Variants in ABI3BP observed in about 807,000 individuals in gnomAD.
ABI3BP encodes ABI family member 3 binding protein.
ABI3BP carries 216 observed loss-of-function variants against 268.6 expected under a neutral mutation model. That is an observed-to-expected ratio of 0.80 (90% CI 0.72 to 0.90). The LOEUF (loss-of-function observed/expected upper bound fraction) is 0.90, where lower values mean the gene tolerates loss of function less well. ABI3BP is among the 40% of genes least tolerant of loss of function. The pLI, the probability that ABI3BP is intolerant of heterozygous loss-of-function variation, is 0.00. For synonymous variants in ABI3BP, 730 were observed against 730.0 expected, an observed-to-expected ratio of 1.00 and a Z score of 0.00; for missense variants, 2,090 against 2,182.4, an observed-to-expected ratio of 0.96 and a Z score of 0.84.
intron 33 of ABI3BP, among the ~76,000 whole-genome samples, chr3:100,829,082 C>T (rs1371611221): frequency 1.3e-5 from 2 of 151,428 alleles, no homozygotes; most frequent in Non-Finnish European, 2.9e-5. Context: ...CTGAATTTCT[C>T]TATTACTCTT....
chr3:100,900,225 T>C (rs945480011), intron 3 of ABI3BP, among the ~76,000 whole-genome samples: 1 of 152,126 alleles, frequency 6.6e-6, no homozygotes, highest in Non-Finnish European at 1.5e-5. Context: ...GTGATTTAAA[T>C]TGTCATGTAT....
chr3:100,933,414 C>A (rs1230113827), intron 1 of ABI3BP, among the ~76,000 whole-genome samples: 2 of 151,770 alleles, frequency 1.3e-5, no homozygotes, highest in Non-Finnish European at 2.9e-5. Flanking sequence ...ACAGTGCCAA[C>A]CTCTATACCT....
In ABI3BP at chr3:100,804,798, T is replaced by G. The variant is rs755769326; in HGVS notation, c.3751A>C (p.Thr1251Pro). Residue 1251 changes from threonine to proline, a missense_variant, in exon 51 of 68, where the codon ACA (threonine) becomes CCA (proline). Thr to Pro is a conservative substitution (Grantham distance 38). Coordinates refer to ENST00000471714, the MANE Select transcript of ABI3BP (RefSeq NM_001375547.2). ...TSPSPEVSYT[T>P]PAPKDVLLPH... ...CATGAAATAAAGCATTTACCAGGTG[T>G]GGTGTATGACACTTCTGGACTTGGT... 2 of 1,612,882 alleles carry G rather than the reference T, an allele frequency of 1.2e-6. No homozygotes were observed. Among genetic ancestry groups the G allele is most frequent in the Non-Finnish European group, 1.7e-6 (2 of 1,179,048 alleles).
chr3:100,794,785 G>A (rs1330212471), intron 54 of ABI3BP, 138 bp downstream of exon 54: 7 of 645,436 alleles, frequency 1.1e-5, no homozygotes, highest in South Asian at 8.0e-5. Flanking sequence ...CACAGTTAAT[G>A]TAAAAGTATT....
At chr3:100,926,520 C>A in intron 1 of ABI3BP, 39 bp from the exon 2 acceptor site, 1 of 1,576,044 alleles carries the variant, frequency 6.3e-7, no homozygotes, top group Non-Finnish European at 8.7e-7. Context: ...CTGTTACTTC[C>A]CCTTTTTAGC....
At chr3:100,948,394 A>C (rs1169698208) in intron 1 of ABI3BP, among the ~76,000 whole-genome samples, 1 of 152,228 alleles carries the variant, frequency 6.6e-6, no homozygotes, top group Non-Finnish European at 1.5e-5. Flanking sequence ...AGTGCCAAAC[A>C]TATTTTACAA....
At chr3:100,778,001 T>A (rs1395457130) in intron 59 of ABI3BP, among the ~76,000 whole-genome samples, 1 of 152,182 alleles carries the variant, frequency 6.6e-6, no homozygotes, top group East Asian at 1.9e-4. Flanking sequence ...TCCAAAATAA[T>A]CCATTTGTTG....
chr3:100,886,466 A>C (rs1032259236), intron 4 of ABI3BP, 143 bp from the exon 5 acceptor site: 7 of 552,908 alleles, frequency 1.3e-5, no homozygotes, highest in Non-Finnish European at 1.7e-5. Flanking sequence ...AAAAATTTGC[A>C]GAGAACATGA....
At chr3:100,830,066 C>T (rs940061768) in intron 32 of ABI3BP, among the ~76,000 whole-genome samples, 12 of 125,402 alleles carry the variant, frequency 9.6e-5, no homozygotes, top group East Asian at 2.5e-4. Context: ...AAGAACACAC[C>T]CTTACCCCAA....
At chr3:100,759,266 T>C (rs1184852095) in intron 63 of ABI3BP, among the ~76,000 whole-genome samples, 1 of 151,878 alleles carries the variant, frequency 6.6e-6, no homozygotes, top group East Asian at 1.9e-4. Context: ...AATGGACAAG[T>C]AGAATAAGAA....
chr3:100,811,773 G>T lies in ABI3BP; in HGVS notation c.3448C>A (p.Pro1150Thr). 1 of 1,535,524 alleles carries T rather than the reference G, an allele frequency of 6.5e-7. No individual in the cohort carries two copies. Among genetic ancestry groups the T allele is most frequent in the Non-Finnish European group, 8.7e-7 (1 of 1,146,488 alleles). ...IAPAKTDYVY[P>T]TAKAPLWPEE... ...GGCCAGAGTGGTGCTTTGGCAGTGG[G>T]ATATACATAGTCTGTTTTGGCTGGT... The change falls in exon 47 of 68, where the codon CCC (proline) becomes ACC (threonine). Residue 1150 changes from proline to threonine, a missense_variant. Physicochemically the swap from Pro to Thr is conservative, Grantham distance 38. Coordinates refer to ENST00000471714, the MANE Select transcript of ABI3BP (RefSeq NM_001375547.2).
chr3:100,898,921 A>G, intron 3 of ABI3BP, 27 bp from the exon 4 acceptor site: 1 of 1,572,160 alleles, frequency 6.4e-7, no homozygotes, highest in Non-Finnish European at 8.6e-7. Flanking sequence ...GAGGTTAATA[A>G]TTCAGGAGAC....
chr3:100,918,996 C>T (rs2059473184), intron 2 of ABI3BP, among the ~76,000 whole-genome samples: 2 of 152,304 alleles, frequency 1.3e-5, no homozygotes, highest in Non-Finnish European at 2.9e-5. Flanking sequence ...TGCATAACTG[C>T]CATCTTGCAT....
intron 1 of ABI3BP, among the ~76,000 whole-genome samples, chr3:100,956,913 A>G (rs934402679): frequency 1.3e-5 from 2 of 152,212 alleles, no homozygotes; most frequent in South Asian, 4.1e-4. Context: ...AAGCGAGGAG[A>G]AAACAGGAAG....
chr3:100,963,938 A>C lies in ABI3BP; in HGVS notation c.79+29368T>G, dbSNP rs182859495. ...CCTCCTCTGACATCCCAGGCTAGAG[A>C]TGGTTTCTCTGTTTTTAGCCCTCCT... On this transcript the variant is annotated intron_variant, in intron 1 of 67. Transcript: ENST00000471714. 2.0e-5 allele frequency among the ~76,000 whole-genome samples: 3 copies of C among 152,282 alleles called. No individual in the cohort carries two copies. The East Asian group carries it at 5.8e-4, about 29-fold the overall frequency.
At chr3:100,992,299 A>G (rs1047136337) in intron 1 of ABI3BP, among the ~76,000 whole-genome samples, 1 of 152,154 alleles carries the variant, frequency 6.6e-6, no homozygotes, top group African/African-American at 2.4e-5. Flanking sequence ...TTGGGACAAG[A>G]TGATCCTGGG....
intron 15 of ABI3BP, 122 bp downstream of exon 15, chr3:100,851,753 A>C: frequency 4.8e-5 from 34 of 708,576 alleles, no homozygotes; most frequent in Middle Eastern, 2.4e-4. Context: ...TGACACAGGT[A>C]GAAATTTCTC....
chr3:100,876,636 G>T, intron 6 of ABI3BP, 76 bp from the exon 7 acceptor site: 1 of 1,321,810 alleles, frequency 7.6e-7, no homozygotes, highest in Non-Finnish European at 1.1e-6. Context: ...TCGGAGAACT[G>T]GAAGTAGCCC....
chr3:100,847,253 G>A (rs1410018951), intron 19 of ABI3BP, among the ~76,000 whole-genome samples: 1 of 152,126 alleles, frequency 6.6e-6, no homozygotes, highest in Non-Finnish European at 1.5e-5. Context: ...TTTTCCAAAT[G>A]AAGTTGGAAG....
Sources: allele counts gnomAD v4.1 joint callset (sites outside exome capture counted in the v4.1 genomes callset), GRCh38; gene constraint gnomAD v4.1.1; transcripts MANE v1.5; gene names NCBI Gene and HGNC (gene_info 2026-07-23, HGNC 2026-07-21).